The following TRIM49C variants were observed in gnomAD, a reference collection of about 807,000 sequenced individuals.
TRIM49C encodes the protein tripartite motif containing 49C.
In TRIM49C, 6 loss-of-function variants were observed where a neutral mutation model predicts 21.4. The ratio of observed to expected loss-of-function variants is 0.28; its 90% CI spans 0.15 to 0.55. The LOEUF (loss-of-function observed/expected upper bound fraction) is 0.55, where lower values mean the gene tolerates loss of function less well. Among genes scored for constraint, TRIM49C ranks in the 20% least tolerant of loss-of-function variants. The probability of loss-of-function intolerance (pLI) is 0.94; values close to 1 mark genes in which losing one functional copy is unlikely to be tolerated. For synonymous variants in TRIM49C, 57 were observed against 148.1 expected, an observed-to-expected ratio of 0.38 and a Z score of 4.47; for missense variants, 161 against 442.4, an observed-to-expected ratio of 0.36 and a Z score of 5.71.
At chr11:90,069,335 A>G in the TRIM49C span, among the ~76,000 whole-genome samples, 1 of 130,198 alleles carries the variant, frequency 7.7e-6, no homozygotes, top group African/African-American at 3.0e-5. Context: ...GATGGTCTCA[A>G]TCTCCTGACG....
chr11:90,064,377 A>T, the TRIM49C span, among the ~76,000 whole-genome samples: 4 of 151,356 alleles, frequency 2.6e-5, no homozygotes, highest in African/African-American at 7.3e-5. Flanking sequence ...ACCGTTAATT[A>T]TCTTCTAAAA....
the TRIM49C span, among the ~76,000 whole-genome samples, chr11:90,055,069 A>G: frequency 9.5e-5 from 14 of 147,410 alleles, no homozygotes; most frequent in African/African-American, 3.2e-4. Flanking sequence ...CCTAAGGTGA[A>G]TAATTTTATC....
chr11:90,067,321 AT>A, the TRIM49C span, among the ~76,000 whole-genome samples: 5 of 139,500 alleles, frequency 3.6e-5, no homozygotes, highest in African/African-American at 1.0e-4. Context: ...CCATCTAATC[AT>A]TTCAACATGG....
the TRIM49C span, among the ~76,000 whole-genome samples, chr11:90,063,431 C>T: frequency 0.072 from 9,068 of 125,914 alleles, 741 homozygotes; most frequent in East Asian, 0.2. Context: ...TGGCAGAGTG[C>T]GTTCACTCAT....
At chr11:90,060,226 AT>A in the TRIM49C span, among the ~76,000 whole-genome samples, 1,626 of 137,372 alleles carry the variant, frequency 0.012, 79 homozygotes, top group East Asian at 0.19. Context: ...CAGAAATAAC[AT>A]TTTTTTTTAG....
the TRIM49C span, among the ~76,000 whole-genome samples, chr11:90,047,513 C>T: frequency 8.5e-6 from 1 of 118,156 alleles, no homozygotes; most frequent in Middle Eastern, 3.9e-3. Flanking sequence ...ATCCCTTTAG[C>T]ATTATGTAAT....
the TRIM49C span, among the ~76,000 whole-genome samples, chr11:90,066,816 G>A: frequency 1.5e-5 from 2 of 136,236 alleles, no homozygotes; most frequent in Non-Finnish European, 3.1e-5. Flanking sequence ...CACCCAGGCT[G>A]GAGTGCAATG....
In TRIM49C at chr11:90,039,622, A is replaced by G. The variant is rs1477772281; in HGVS notation, c.762-243A>G. Among the ~76,000 whole-genome samples, 6 of 127,452 alleles carry G rather than the reference A, an allele frequency of 4.7e-5. 1 individual carries two copies. The highest frequency in any genetic ancestry group is 1.8e-4 in the African/African-American group (6 of 34,284). The allele number at this position is 127,452 out of a possible 152,430, so 83.6% of individuals were successfully genotyped here. The stretch of plus-strand genomic sequence containing the variant: ...AAATATTCTCAAGGCCATAAAGCTA[A>G]GGAACCTTACACATTTGGAGCAAAA... On this transcript the variant is annotated intron_variant, in intron 6 of 7. Coordinates refer to ENST00000448984, the MANE Select transcript of TRIM49C (RefSeq NM_001195234.1).
chr11:90,038,702 G>C lies in TRIM49C; in HGVS notation c.748G>C (p.Asp250His). The C allele has an allele frequency of 5.5e-6, 6 of 1,093,626 alleles. 1 individual carries two copies. The highest frequency in any genetic ancestry group is 7.3e-6 in the Non-Finnish European group (6 of 818,956). 67.7% of individuals were successfully genotyped at this position (1,093,626 alleles called of 1,614,324 possible). ...PDVELLQAFG[D>H]ILHRSESVLL... Reference sequence around the variant, plus strand: ...TTTTTTTTTTTTTCAGGCTTTTGGAGACATATTACACAGGTGAGTGTGTAC... The same window carrying C: ...TTTTTTTTTTTTTCAGGCTTTTGGACACATATTACACAGGTGAGTGTGTAC... Residue 250 changes from aspartate (D) to histidine (H), a missense_variant, in exon 6 of 8, where the codon GAC becomes CAC. Asp to His is a moderately conservative substitution (Grantham distance 81, BLOSUM62 -1). Transcript: ENST00000448984.
the TRIM49C span, among the ~76,000 whole-genome samples, chr11:90,054,412 T>TTTTA: frequency 1.3e-4 from 17 of 134,980 alleles, no homozygotes; most frequent in East Asian, 7.5e-4. Context: ...CAAGAGGTGA[T>TTTTA]TTTATTTATT....
chr11:90,053,817 C>T, the TRIM49C span: 2 of 140,880 alleles, frequency 1.4e-5, no homozygotes, highest in Admixed American at 7.5e-5. Flanking sequence ...ACTACTGAGA[C>T]CCCAGAGAAG....
chr11:90,053,270 AG>A, the TRIM49C span: 410 of 144,704 alleles, frequency 2.8e-3, 3 homozygotes, highest in Non-Finnish European at 4.9e-3. Context: ...CCATGGGGCC[AG>A]GGGCAGTTCC....
At chr11:90,066,203 A>T in the TRIM49C span, among the ~76,000 whole-genome samples, 1 of 133,140 alleles carries the variant, frequency 7.5e-6, no homozygotes, top group African/African-American at 2.7e-5. Context: ...TATTTTTACT[A>T]GAGACAGGGT....
chr11:90,052,154 G>A, the TRIM49C span: 2 of 392,316 alleles, frequency 5.1e-6, no homozygotes, highest in South Asian at 6.8e-5. Context: ...CCCGGCAGCG[G>A]GGCAGGTGGG....
the TRIM49C span, chr11:90,073,306 C>G: frequency 1.0e-6 from 1 of 983,912 alleles, no homozygotes; most frequent in African/African-American, 1.7e-5. Context: ...TTTTGAATGT[C>G]ACCAAGAATT....
intron 6 of TRIM49C, among the ~76,000 whole-genome samples, chr11:90,039,203 A>G (rs1265623703): frequency 1.5e-5 from 2 of 132,858 alleles, no homozygotes; most frequent in Non-Finnish European, 3.2e-5. Flanking sequence ...ACAGGCGTGA[A>G]CCACCGTGCC....
At chr11:90,062,802 G>A in the TRIM49C span, 1 of 1,416,464 alleles carries the variant, frequency 7.1e-7, no homozygotes, top group Non-Finnish European at 9.3e-7. Context: ...TACCACATTG[G>A]TGTTGAAGTT....
At chr11:90,062,924 C>T in the TRIM49C span, 44 of 1,432,126 alleles carry the variant, frequency 3.1e-5, 1 homozygote, top group Non-Finnish European at 3.6e-5. Context: ...CAATGGTGAC[C>T]GGTCTATGAA....
At chr11:90,053,735 TG>T in the TRIM49C span, 1 of 145,004 alleles carries the variant, frequency 6.9e-6, no homozygotes, top group Non-Finnish European at 1.5e-5. Flanking sequence ...AGCAGCACCA[TG>T]CCGGAGGCGT....
Sources: gnomAD v4.1 joint callset for allele counts (sites outside exome capture counted in the v4.1 genomes callset) on GRCh38, gnomAD v4.1.1 for gene constraint, MANE v1.5 for transcripts, NCBI Gene and HGNC (gene_info 2026-07-23, HGNC 2026-07-21) for gene names.